GPC5: variants seen among roughly 807,000 people sequenced by gnomAD.
GPC5 encodes glypican 5.
A neutral mutation model predicts 53.9 loss-of-function variants in GPC5; 47 were observed. The ratio of observed to expected loss-of-function variants is 0.87; its 90% confidence interval spans 0.69 to 1.11. The LOEUF (loss-of-function observed/expected upper bound fraction) is 1.11, where lower values mean the gene tolerates loss of function less well. Among genes scored for constraint, GPC5 ranks in the 50% most tolerant of loss-of-function variants. The pLI is 0.00. For missense variants in GPC5, 748 were observed against 713.1 expected, an observed-to-expected ratio of 1.05 and a Z score of -0.56; for synonymous variants, 286 against 263.3, an observed-to-expected ratio of 1.09 and a Z score of -0.84.
At chr13:92,312,837 A>T (rs2043154336) in intron 7 of GPC5, among the ~76,000 whole-genome samples, 1 of 152,180 alleles carries the variant, frequency 6.6e-6, no homozygotes, top group Non-Finnish European at 1.5e-5. Context: ...CTTGATTATA[A>T]TGTCTAATAC....
At chr13:92,086,019 G>A (rs2041333047) in intron 6 of GPC5, among the ~76,000 whole-genome samples, 1 of 152,154 alleles carries the variant, frequency 6.6e-6, no homozygotes, top group Non-Finnish European at 1.5e-5. Flanking sequence ...TTAAATGAGT[G>A]AATTATTCCA....
At chr13:92,100,816 CA>C (rs2138911495) in intron 6 of GPC5, among the ~76,000 whole-genome samples, 1 of 152,214 alleles carries the variant, frequency 6.6e-6, no homozygotes, top group Admixed American at 6.5e-5. Flanking sequence ...GTTAATTCTC[CA>C]AAAACATAGG....
intron 5 of GPC5, among the ~76,000 whole-genome samples, chr13:91,800,005 C>T (rs189650018): frequency 6.6e-6 from 1 of 151,970 alleles, no homozygotes; most frequent in Non-Finnish European, 1.5e-5. Flanking sequence ...CAAGTATCAA[C>T]CCTAGTTTTT....
At chr13:91,676,052 G>A (rs1200426842) in intron 2 of GPC5, among the ~76,000 whole-genome samples, 9 of 152,080 alleles carry the variant, frequency 5.9e-5, no homozygotes, top group South Asian at 2.1e-4. Context: ...GATCATGGGA[G>A]CCTTTGGCTT....
At chr13:91,472,965 C>T (rs942936143) in intron 2 of GPC5, among the ~76,000 whole-genome samples, 5 of 152,106 alleles carry the variant, frequency 3.3e-5, no homozygotes. Context: ...ACATACTACT[C>T]AAGACTGGGT....
chr13:92,462,754 C>T (rs1488946820), intron 7 of GPC5, among the ~76,000 whole-genome samples: 1 of 145,216 alleles, frequency 6.9e-6, no homozygotes, highest in African/African-American at 2.6e-5. Flanking sequence ...TTTTCTCTTG[C>T]TGCCCAGGCT....
intron 7 of GPC5, among the ~76,000 whole-genome samples, chr13:92,730,506 T>C (rs1888769186): frequency 6.6e-6 from 1 of 151,538 alleles, no homozygotes; most frequent in South Asian, 2.1e-4. Flanking sequence ...AGGAGTTTTA[T>C]AATTTTGCAT....
At chr13:92,266,884 AT>A (rs34404463) in intron 7 of GPC5, among the ~76,000 whole-genome samples, 51,990 of 148,968 alleles carry the variant, frequency 0.35, 9,521 homozygotes, top group African/African-American at 0.48. Context: ...GAAAAACACA[AT>A]TTTTTTTTTT....
intron 5 of GPC5, among the ~76,000 whole-genome samples, chr13:91,856,157 G>A (rs1486076473): frequency 2.0e-5 from 3 of 151,388 alleles, no homozygotes; most frequent in African/African-American, 7.3e-5. Context: ...CCATTGTGTG[G>A]TTCATTGTTT....
At chr13:92,848,953 G>A (rs991126288) in intron 7 of GPC5, among the ~76,000 whole-genome samples, 1 of 152,046 alleles carries the variant, frequency 6.6e-6, no homozygotes, top group African/African-American at 2.4e-5. Flanking sequence ...TCCATACTGG[G>A]TCAAGTCAGG....
intron 7 of GPC5, among the ~76,000 whole-genome samples, chr13:92,346,467 T>G (rs546158804): frequency 7.2e-5 from 11 of 152,252 alleles, no homozygotes; most frequent in African/African-American, 2.6e-4. Flanking sequence ...AGTGACCCCA[T>G]GAATTAGAGA....
intron 7 of GPC5, among the ~76,000 whole-genome samples, chr13:92,481,662 C>T (rs1334489702): frequency 6.6e-6 from 1 of 152,146 alleles, no homozygotes; most frequent in East Asian, 1.9e-4. Context: ...TTCAATTAGA[C>T]AATCACAGTT....
In GPC5 at chr13:92,736,884, C is replaced by T. The variant is rs570850702; in HGVS notation, c.1562-129398C>T. 4.6e-5 allele frequency among the ~76,000 whole-genome samples: 7 copies of T among 151,748 alleles called. No homozygotes were observed. In the South Asian group the frequency reaches 1.2e-3, roughly 27 times the overall value. ...TAATGATTAATGAATTGAATTAATG[C>T]ATTAATTCAATAATAAAATTCACAA... On this transcript the variant is annotated intron_variant, in intron 7 of 7. Coordinates refer to ENST00000377067, the MANE Select transcript of GPC5 (RefSeq NM_004466.6).
At chr13:91,913,741 T>G (rs1477684563) in intron 6 of GPC5, among the ~76,000 whole-genome samples, 1 of 152,174 alleles carries the variant, frequency 6.6e-6, no homozygotes, top group African/African-American at 2.4e-5. Context: ...GGTCAGCCAT[T>G]GTGCAAATTC....
intron 7 of GPC5, among the ~76,000 whole-genome samples, chr13:92,397,217 C>A (rs76362282): frequency 0.025 from 3,820 of 152,304 alleles, 145 homozygotes; most frequent in African/African-American, 0.087. Context: ...TAGTCCCGAT[C>A]ATTCCCACAT....
At chr13:91,942,045 A>AT (rs1475633636) in intron 6 of GPC5, among the ~76,000 whole-genome samples, 1 of 152,158 alleles carries the variant, frequency 6.6e-6, no homozygotes, top group Non-Finnish European at 1.5e-5. Context: ...TCTATAATTA[A>AT]TTTTTTTGGT....
intron 7 of GPC5, among the ~76,000 whole-genome samples, chr13:92,239,578 CAT>C (rs1360878164): frequency 6.6e-6 from 1 of 151,882 alleles, no homozygotes; most frequent in Admixed American, 6.6e-5. Flanking sequence ...TGAAATTAGT[CAT>C]AAAATATCCT....
At chr13:92,810,150 A>C (rs926892992) in intron 7 of GPC5, among the ~76,000 whole-genome samples, 5 of 151,750 alleles carry the variant, frequency 3.3e-5, no homozygotes, top group Non-Finnish European at 5.9e-5. Flanking sequence ...TTATTGAAAA[A>C]CCCCTATACT....
intron 7 of GPC5, among the ~76,000 whole-genome samples, chr13:92,253,977 A>G (rs960285909): frequency 2.0e-5 from 3 of 152,236 alleles, no homozygotes; most frequent in African/African-American, 7.2e-5. Flanking sequence ...AGAGCAAGAA[A>G]AGGAACCCAA....
Sources: gnomAD v4.1 joint callset for allele counts (sites outside exome capture counted in the v4.1 genomes callset) on GRCh38, gnomAD v4.1.1 for gene constraint, MANE v1.5 for transcripts, NCBI Gene and HGNC (gene_info 2026-07-23, HGNC 2026-07-21) for gene names.